Variants in SHANK2 observed in about 807,000 individuals in gnomAD.
The protein encoded by SHANK2 is SH3 and multiple ankyrin repeat domains 2.
SHANK2 carries 43 observed loss-of-function variants against 133.7 expected under a neutral mutation model. That is an observed-to-expected ratio of 0.32 (90% CI 0.25 to 0.41). The LOEUF (loss-of-function observed/expected upper bound fraction) is 0.41. SHANK2 is among the 10% of genes least tolerant of loss of function. The probability of loss-of-function intolerance (pLI) is 1.00; values close to 1 mark genes in which losing one functional copy is unlikely to be tolerated. For synonymous variants in SHANK2, 1,017 were observed against 952.8 expected (o/e 1.07, Z -1.24); for missense variants, 1,994 against 2,235.8 (o/e 0.89, Z 2.18).
At position 70,513,691 on chromosome 11, in the gene SHANK2, A is replaced by T. The variant is rs149344773; in HGVS notation, c.2062-10760T>A. Among the ~76,000 whole-genome samples, 12 of 152,382 alleles carry T rather than the reference A, an allele frequency of 7.9e-5. No homozygotes were observed. In the East Asian group the frequency reaches 2.3e-3, roughly 29 times the overall value. ...AATGAATAAAAGACAGGAAATCCCAAGGAAATTTTAAAAAGAATTATATGG... is the reference window on the plus strand; with the variant it reads ...AATGAATAAAAGACAGGAAATCCCATGGAAATTTTAAAAAGAATTATATGG... On this transcript the variant is annotated intron_variant, in intron 17 of 25. Coordinates refer to ENST00000601538, the MANE Select transcript of SHANK2 (RefSeq NM_012309.5).
At chr11:70,550,625 G>A (rs1239915489) in intron 17 of SHANK2, among the ~76,000 whole-genome samples, 4 of 152,312 alleles carry the variant, frequency 2.6e-5, no homozygotes, top group Middle Eastern at 3.4e-3. Context: ...CCGGATTCGC[G>A]TGGGTTGGTG....
chr11:71,088,585 G>A (rs1478115228), intron 8 of SHANK2, among the ~76,000 whole-genome samples: 2 of 152,178 alleles, frequency 1.3e-5, no homozygotes, highest in Non-Finnish European at 2.9e-5. Flanking sequence ...GTTCGGTGGA[G>A]ACCCTGTGAG....
chr11:70,516,169 C>A (rs2059263358), intron 17 of SHANK2, among the ~76,000 whole-genome samples: 1 of 152,150 alleles, frequency 6.6e-6, no homozygotes, highest in Admixed American at 6.5e-5. Context: ...CCAAAATAGC[C>A]AACACAATAT....
At chr11:70,578,379 C>T (rs1284096337) in intron 17 of SHANK2, among the ~76,000 whole-genome samples, 1 of 152,218 alleles carries the variant, frequency 6.6e-6, no homozygotes, top group Non-Finnish European at 1.5e-5. Context: ...AGGAATGGCA[C>T]CTTCCCTGCT....
chr11:70,632,570 C>T (rs1004507555), intron 17 of SHANK2, among the ~76,000 whole-genome samples: 2 of 151,992 alleles, frequency 1.3e-5, no homozygotes, highest in Middle Eastern at 3.2e-3. Flanking sequence ...TTTATAGAAC[C>T]GCCTTTTACA....
intron 14 of SHANK2, among the ~76,000 whole-genome samples, chr11:70,786,524 G>A (rs1329742805): frequency 6.6e-6 from 1 of 152,154 alleles, no homozygotes; most frequent in Non-Finnish European, 1.5e-5. Flanking sequence ...GTGAGCCACT[G>A]CAACAACCCT....
intron 17 of SHANK2, among the ~76,000 whole-genome samples, chr11:70,621,447 G>A (rs1453499738): frequency 1.3e-5 from 2 of 152,220 alleles, no homozygotes; most frequent in Non-Finnish European, 2.9e-5. Flanking sequence ...TTCTGGCCTG[G>A]CTCCTGCCTC....
At chr11:70,679,161 C>G (rs968850950) in intron 15 of SHANK2, among the ~76,000 whole-genome samples, 2 of 152,220 alleles carry the variant, frequency 1.3e-5, no homozygotes, top group African/African-American at 2.4e-5. Flanking sequence ...GTACGCACAC[C>G]ATGCCAAGCC....
intron 3 of SHANK2, among the ~76,000 whole-genome samples, chr11:71,124,200 A>C (rs1451601046): frequency 1.3e-4 from 3 of 23,828 alleles, no homozygotes; most frequent in Non-Finnish European, 1.7e-4. Context: ...GATGGTGATG[A>C]TGGTGGTGAT....
At chr11:70,565,055 T>C (rs1204025456) in intron 17 of SHANK2, among the ~76,000 whole-genome samples, 1 of 152,226 alleles carries the variant, frequency 6.6e-6, no homozygotes, top group Non-Finnish European at 1.5e-5. Context: ...AATGGATTTT[T>C]CTCTTCCTTA....
At chr11:70,774,088 G>A (rs1404481611) in intron 14 of SHANK2, among the ~76,000 whole-genome samples, 2 of 152,190 alleles carry the variant, frequency 1.3e-5, no homozygotes, top group Non-Finnish European at 2.9e-5. Flanking sequence ...TAGAAACAAA[G>A]TATGGTATAA....
At chr11:70,717,203 C>T (rs971320978) in intron 14 of SHANK2, among the ~76,000 whole-genome samples, 6 of 152,134 alleles carry the variant, frequency 3.9e-5, no homozygotes, top group East Asian at 1.9e-4. Flanking sequence ...TACAGTTTGT[C>T]GGGTTAGGAA....
intron 18 of SHANK2, 102 bp from the exon 19 acceptor site, chr11:70,502,388 T>C: frequency 9.1e-7 from 1 of 1,103,160 alleles, no homozygotes; most frequent in Non-Finnish European, 1.3e-6. Context: ...GGTCTCAGGC[T>C]GTTTGGCTGC....
intron 1 of SHANK2, among the ~76,000 whole-genome samples, chr11:71,244,942 G>C (rs1954941844): frequency 6.6e-6 from 1 of 151,982 alleles, no homozygotes; most frequent in Admixed American, 6.6e-5. Context: ...GACCTCAAGT[G>C]ATCCACCCGT....
At chr11:71,073,142 C>CTTTTTTTTTT (rs1951165821) in intron 9 of SHANK2, among the ~76,000 whole-genome samples, 7 of 41,092 alleles carry the variant, frequency 1.7e-4, no homozygotes, top group African/African-American at 3.2e-4. Context: ...TTTTCTTTTT[C>CTTTTTTTTTT]TTTTCTTTTT....
At chr11:70,730,110 G>T (rs1229431656) in intron 14 of SHANK2, among the ~76,000 whole-genome samples, 1 of 152,126 alleles carries the variant, frequency 6.6e-6, no homozygotes. Context: ...TTGGAGAGGA[G>T]GAAGTGGGAC....
At chr11:70,848,026 T>C (rs1949023093) in intron 11 of SHANK2, among the ~76,000 whole-genome samples, 1 of 152,222 alleles carries the variant, frequency 6.6e-6, no homozygotes. Flanking sequence ...GGCATGGCAA[T>C]GCCTGCGGTA....
At position 71,085,142 on chromosome 11, in the gene SHANK2, A is replaced by G. The variant is rs934364610; in HGVS notation, c.912+7280T>C. ...CCAGGAGCACTCCTGTTTTAATGAT[A>G]TCAGTGACAGCTCTCAAAATCAGTA... On this transcript the variant is annotated intron_variant, in intron 8 of 25. Transcript: ENST00000601538. 1.2e-4 allele frequency among the ~76,000 whole-genome samples: 18 copies of G among 152,198 alleles called. No homozygotes were observed. In the East Asian group the frequency reaches 3.5e-3, roughly 29 times the overall value.
intron 14 of SHANK2, among the ~76,000 whole-genome samples, chr11:70,753,537 T>G (rs1353548672): frequency 6.6e-6 from 1 of 151,996 alleles, no homozygotes; most frequent in Non-Finnish European, 1.5e-5. Flanking sequence ...AGGAGAAAAC[T>G]TAATGAAGTT....
Sources: allele counts gnomAD v4.1 joint callset (sites outside exome capture counted in the v4.1 genomes callset), GRCh38; gene constraint gnomAD v4.1.1; transcripts MANE v1.5; gene names NCBI Gene and HGNC (gene_info 2026-07-23, HGNC 2026-07-21).